Variants in KIF7 observed in about 807,000 individuals in gnomAD.
KIF7 encodes kinesin family member 7.
Under a neutral mutation model 135.7 loss-of-function variants are expected in KIF7, and 104 were observed. That is an observed-to-expected ratio of 0.77 (90% CI 0.65 to 0.90). KIF7 has a LOEUF of 0.90. KIF7 is among the 40% of genes least tolerant of loss of function. KIF7 has a pLI of 0.00. For missense variants in KIF7, 2,005 were observed against 1,839.1 expected, an observed-to-expected ratio of 1.09 and a Z score of -1.65; for synonymous variants, 883 against 809.4, an observed-to-expected ratio of 1.09 and a Z score of -1.54.
rs1378035170 is a variant in KIF7, at chr15:89,629,487, C to T, written c.3405G>A (p.Val1135=). Residue 1135 remains valine, a synonymous_variant, in exon 17 of 19, where the codon GTG becomes GTA. Coordinates refer to ENST00000394412, the MANE Select transcript of KIF7 (RefSeq NM_198525.3). The part of the protein sequence containing the change: ...EMQLEEQQRL[V]YWLEVALERQ... ...GCTCCAGGGCCACCTCCAGCCAGTA[C>T]ACCAGCCTCTGCTGCTCCTCCAGCT... is the stretch of plus-strand genomic sequence containing the variant. 8 of 1,611,386 alleles carry T rather than the reference C, an allele frequency of 5.0e-6. No homozygotes were observed. The highest frequency in any genetic ancestry group is 3.3e-5 in the Admixed American group (2 of 60,010).
chr15:89,630,991 G>C (rs1963661462), intron 15 of KIF7: 1 of 233,130 alleles, frequency 4.3e-6, no homozygotes, highest in Non-Finnish European at 8.5e-6. Flanking sequence ...GTTAACCATG[G>C]TGAGTATTTG....
At chr15:89,621,314 C>T (rs1281642544) in intron 1 of KIF7, 10 of 1,421,452 alleles carry the variant, frequency 7.0e-6, no homozygotes, top group Admixed American at 6.4e-5. Flanking sequence ...AGCCACCATG[C>T]GTGGCTGGCT....
Position 89,628,290 on chromosome 15 carries a change from G to C in KIF7, c.*129C>G. ...CCATGGCCCAAATTTGTTGATCCCA[G>C]TGAGGGTACAGATGAGGGCCTGGAT... is the stretch of plus-strand genomic sequence containing the variant. On this transcript the variant is annotated 3_prime_UTR_variant, in exon 19 of 19. Transcript: ENST00000394412. 8.1e-7 allele frequency: 1 copy of C among 1,236,162 alleles called. No individual in the cohort carries two copies. Among genetic ancestry groups the C allele is most frequent in the Non-Finnish European group, 1.1e-6 (1 of 900,094 alleles). 76.6% of individuals were successfully genotyped at this position (1,236,162 alleles called of 1,614,324 possible).
downstream of KIF7, chr15:89,623,553 G>A (rs901993678): frequency 5.1e-5 from 74 of 1,452,276 alleles, no homozygotes; most frequent in African/African-American, 7.1e-5. Context: ...TGGTCTTAGA[G>A]ATTACTAAAA....
At chr15:89,652,022 T>G (rs1426013440) in intron 2 of KIF7, among the ~76,000 whole-genome samples, 1 of 152,114 alleles carries the variant, frequency 6.6e-6, no homozygotes, top group Non-Finnish European at 1.5e-5. Flanking sequence ...GGAATAAATT[T>G]CTCTTGAGGA....
chr15:89,644,680 T>A (rs887687837), intron 10 of KIF7, among the ~76,000 whole-genome samples: 3 of 151,976 alleles, frequency 2.0e-5, no homozygotes, highest in African/African-American at 4.8e-5. Flanking sequence ...TGAAACTCTT[T>A]CTCAAAAAAA....
At chr15:89,657,691 T>A (rs1478973308), upstream of KIF7, among the ~76,000 whole-genome samples, 2 of 152,192 alleles carry the variant, frequency 1.3e-5, no homozygotes, top group Non-Finnish European at 2.9e-5. Context: ...AGGCCTGAAA[T>A]GACAAAAGCC....
rs1596078831 is a variant in KIF7, at chr15:89,649,167, G to A, written c.730C>T (p.Leu244Phe). The A allele has an allele frequency of 1.3e-6, 2 of 1,548,216 alleles. No individual in the cohort carries two copies. Among genetic ancestry groups the A allele is most frequent in the Non-Finnish European group, 8.7e-7 (1 of 1,146,696 alleles). ...RLPRPAPGQLLVSKFHFVDLA... is the reference protein window; with the variant it reads ...RLPRPAPGQLFVSKFHFVDLA... ...TCCACGAAGTGGAACTTGGAGACGA[G>A]CAGCTGGCCCGGGGCGGGGCGGGGT... The change falls in exon 4 of 19, where the codon CTC (leucine) becomes TTC (phenylalanine). Residue 244 changes from leucine (L) to phenylalanine (F), a missense_variant. Physicochemically the swap from Leu to Phe is conservative, Grantham distance 22. Transcript: ENST00000394412.
At chr15:89,619,795 A>G (rs1310306125) in intron 1 of KIF7, 1 of 1,613,894 alleles carries the variant, frequency 6.2e-7, no homozygotes. Flanking sequence ...TCTCAGCCGA[A>G]GTCTCGAAGT....
rs587780374 is a variant in KIF7, at chr15:89,648,539, G to C, written c.1159C>G (p.Arg387Gly). 2 of 1,267,642 alleles carry C rather than the reference G, an allele frequency of 1.6e-6. No homozygotes were observed. Among genetic ancestry groups the C allele is most frequent in the South Asian group, 1.9e-5 (1 of 53,122 alleles). 78.5% of individuals were successfully genotyped at this position (1,267,642 alleles called of 1,614,324 possible). A position where few individuals can be genotyped will look rare whatever the true frequency, so the allele number is the denominator to read the frequency against. ...GCTGGGCCTGGGGCGCGCCGGCCGC[G>C]GTGGATGATGCGGGTCTCGGAGCGG... is the stretch of plus-strand genomic sequence containing the variant. Reference protein sequence around the residue: ...RHRSETRIIHRGRRAPGPATA... With the variant: ...RHRSETRIIHGGRRAPGPATA... Residue 387 changes from arginine to glycine, a missense_variant, in exon 5 of 19, where the codon CGC becomes GGC. Coordinates refer to ENST00000394412, the MANE Select transcript of KIF7 (RefSeq NM_198525.3).
intron 15 of KIF7, 72 bp downstream of exon 15, chr15:89,631,422 GC>G: frequency 6.6e-6 from 9 of 1,355,198 alleles, no homozygotes; most frequent in Non-Finnish European, 9.1e-6. Flanking sequence ...GAGGGCTGGA[GC>G]AAGGGCTGAG....
At chr15:89,621,982 C>CTTTTTTTTTTTTT (rs34123859) in intron 1 of KIF7, among the ~76,000 whole-genome samples, 2 of 87,778 alleles carry the variant, frequency 2.3e-5, no homozygotes, top group Non-Finnish European at 4.3e-5. Flanking sequence ...CAAACTGACT[C>CTTTTTTTTTTTTT]TTTTTTTTTT....
Position 89,652,964 on chromosome 15 carries a change from G to T in KIF7, c.-24-10C>A. The T allele has an allele frequency of 6.8e-7, 1 of 1,463,246 alleles. No homozygotes were observed. The highest frequency in any genetic ancestry group is 9.0e-7 in the Non-Finnish European group (1 of 1,105,266). 90.6% of individuals were successfully genotyped at this position (1,463,246 alleles called of 1,614,324 possible). ...AGGACTGCTCTGGGCCCTGTGGAGA[G>T]AGAGAGAAGCCCTGGCCATCAGCAC... is the stretch of plus-strand genomic sequence containing the variant. On this transcript the variant is annotated splice_polypyrimidine_tract_variant and intron_variant, in intron 1 of 18. Coordinates refer to ENST00000394412, the MANE Select transcript of KIF7 (RefSeq NM_198525.3).
At position 89,634,074 on chromosome 15, in the gene KIF7, G is replaced by A. The variant is rs531624736; in HGVS notation, c.2395-191C>T. Among the ~76,000 whole-genome samples the A allele has an allele frequency of 1.6e-3, 248 of 152,254 alleles. 1 individual carries two copies. The highest frequency in any genetic ancestry group is 1.6e-3 in the Non-Finnish European group (108 of 68,014). On this transcript the variant is annotated intron_variant, in intron 11 of 18. Transcript: ENST00000394412. ...AGCACTTTGAGAGGCTGAGGCGGGC[G>A]GATTACTTGAGGTCAGGAGTTTGAG...
At chr15:89,658,837 C>T (rs1434109477), upstream of KIF7, among the ~76,000 whole-genome samples, 3 of 151,918 alleles carry the variant, frequency 2.0e-5, no homozygotes, top group Non-Finnish European at 2.9e-5. Context: ...GCACTCCAGC[C>T]TGGGTGACAG....
In KIF7 at chr15:89,620,640, G is replaced by A. The variant is rs1596057912; in HGVS notation, c.181-2445C>T. On this transcript the variant is annotated intron_variant and NMD_transcript_variant, in intron 1 of 2. Coordinates refer to the KIF7 transcript ENST00000558928. ...GTTGTTGTAGTTGCTGACATAAATA[G>A]GTGGGATTTTCCCGAGTTGCTCTCA... Among the ~76,000 whole-genome samples the A allele has an allele frequency of 2.6e-5, 3 of 116,140 alleles. No individual in the cohort carries two copies. The East Asian group carries it at 6.5e-4, about 25-fold the overall frequency. 76.2% of individuals were successfully genotyped at this position (116,140 alleles called of 152,430 possible). A position where few individuals can be genotyped will look rare whatever the true frequency, so the allele number is the denominator to read the frequency against.
downstream of KIF7, chr15:89,627,105 C>T (rs560490827): frequency 1.9e-6 from 3 of 1,613,510 alleles, no homozygotes; most frequent in South Asian, 2.2e-5. Flanking sequence ...ATTACTGAGC[C>T]CAAAAGATCA....
At chr15:89,642,158 G>A (rs763022130) in intron 11 of KIF7, 45 bp downstream of exon 11, 3 of 1,584,188 alleles carry the variant, frequency 1.9e-6, no homozygotes, top group Non-Finnish European at 1.7e-6. Flanking sequence ...CAGCCTAGGA[G>A]GCAGGAGTCA....
rs781013992 is a variant in KIF7, at chr15:89,618,148, C to T, written c.229G>A (p.Glu77Lys). 8.7e-6 allele frequency: 14 copies of T among 1,613,916 alleles called. No individual in the cohort carries two copies. The East Asian group carries it at 1.3e-4, about 15-fold the overall frequency. The stretch of plus-strand genomic sequence containing the variant: ...AGTAATCCTTGTGCATGTGGTTCCT[C>T]GAGGTCCTCTGATCCTGGTCCTGAT... Residue 77 changes from glutamate (E) to lysine (K), a missense_variant and NMD_transcript_variant, in exon 2 of 3, where the codon GAG becomes AAG. Coordinates refer to the KIF7 transcript ENST00000558928.
Sources: gnomAD v4.1 joint callset for allele counts (sites outside exome capture counted in the v4.1 genomes callset) on GRCh38, gnomAD v4.1.1 for gene constraint, MANE v1.5 for transcripts, NCBI Gene and HGNC (gene_info 2026-07-23, HGNC 2026-07-21) for gene names.